Variants in PCDHGA5 observed in about 807,000 individuals in gnomAD.
PCDHGA5 encodes protocadherin gamma subfamily A, 5.
PCDHGA5 carries 36 observed loss-of-function variants against 56.7 expected under a neutral mutation model. That is an observed-to-expected ratio of 0.64 (90% CI 0.49 to 0.84). The LOEUF is 0.84. PCDHGA5 is among the 40% of genes least tolerant of loss of function. PCDHGA5 has a pLI of 0.00. For synonymous variants in PCDHGA5, 563 were observed against 520.2 expected (o/e 1.08, Z -1.12); for missense variants, 1,305 against 1,201.5 (o/e 1.09, Z -1.27).
chr5:141,400,128 G>T, intron 1 of PCDHGA5: 1 of 1,614,080 alleles, frequency 6.2e-7, no homozygotes, highest in Non-Finnish European at 8.5e-7. Context: ...TGCAGGAGGT[G>T]CTGCCGGATA....
At chr5:141,464,218 T>C (rs1464478430) in intron 1 of PCDHGA5, among the ~76,000 whole-genome samples, 1 of 150,958 alleles carries the variant, frequency 6.6e-6, no homozygotes, top group Non-Finnish European at 1.5e-5. Flanking sequence ...TGAGCTGAGA[T>C]TGCGCCACTG....
Position 141,431,854 on chromosome 5 carries a change from A to G in PCDHGA5, c.2422-62953A>G. On this transcript the variant is annotated intron_variant, in intron 1 of 3. Coordinates refer to ENST00000518069, the MANE Select transcript of PCDHGA5 (RefSeq NM_018918.3). The surrounding 1 kb of genome is among the most constrained non-coding windows in gnomAD (Gnocchi z 4.8). Reference sequence around the variant, plus strand: ...CCGAAAACTCTCCCAGAGGGACATTAATTGCCCTTTTAAATGTAAATGACC... The same window carrying G: ...CCGAAAACTCTCCCAGAGGGACATTGATTGCCCTTTTAAATGTAAATGACC... The G allele has an allele frequency of 6.2e-7, 1 of 1,614,230 alleles. No individual in the cohort carries two copies. The highest frequency in any genetic ancestry group is 1.3e-5 in the African/African-American group (1 of 75,070).
intron 1 of PCDHGA5, chr5:141,400,049 C>G (rs1242848324): frequency 6.2e-7 from 1 of 1,613,572 alleles, no homozygotes; most frequent in Non-Finnish European, 8.5e-7. Context: ...CTGCTGGTTG[C>G]TGTGCGTGAT....
At chr5:141,409,847 C>T (rs2095325421) in intron 1 of PCDHGA5, 3 of 1,611,712 alleles carry the variant, frequency 1.9e-6, no homozygotes, top group East Asian at 2.2e-5. Context: ...CGTGAGCCTG[C>T]GCGTGTTGGT....
chr5:141,370,699 G>T, intron 1 of PCDHGA5: 3 of 1,613,804 alleles, frequency 1.9e-6, no homozygotes, highest in Non-Finnish European at 2.5e-6. Context: ...AAGTCGACGT[G>T]TGTTCTGGAA....
rs762738990 is a variant in PCDHGA5, at chr5:141,404,672, G to C, written c.2421+37921G>C. 8.0e-5 allele frequency: 129 copies of C among 1,614,038 alleles called. 1 individual carries two copies. The South Asian group carries it at 1.4e-3, about 18-fold the overall frequency. ...TGCCCTCCCCACTGATGGTTCTACT[G>C]GTGTGGAGCTGGCACCCCGCTCTGC... On this transcript the variant is annotated intron_variant, in intron 1 of 3. Coordinates refer to ENST00000518069, the MANE Select transcript of PCDHGA5 (RefSeq NM_018918.3).
At chr5:141,420,824 C>T (rs1282369085) in intron 1 of PCDHGA5, among the ~76,000 whole-genome samples, 1 of 152,216 alleles carries the variant, frequency 6.6e-6, no homozygotes, top group Admixed American at 6.5e-5. Context: ...TTAATAATTA[C>T]TCCTTTCGCA....
chr5:141,398,789 C>G (rs1400897772), intron 1 of PCDHGA5: 5 of 1,613,778 alleles, frequency 3.1e-6, no homozygotes, highest in Non-Finnish European at 4.2e-6. Context: ...GGACATCCAC[C>G]CCTAAGCGGC....
chr5:141,502,003 G>A (rs945565369), intron 2 of PCDHGA5, among the ~76,000 whole-genome samples: 17 of 151,966 alleles, frequency 1.1e-4, no homozygotes, highest in Admixed American at 1.1e-3. Flanking sequence ...CTGACAACCC[G>A]CATGCTCTCC....
chr5:141,400,452 A>C, intron 1 of PCDHGA5: 3 of 1,614,038 alleles, frequency 1.9e-6, no homozygotes, highest in Non-Finnish European at 2.5e-6. Context: ...GACAAGACAT[A>C]CTTTGTGGTG....
chr5:141,462,911 T>C (rs1263378930), intron 1 of PCDHGA5, among the ~76,000 whole-genome samples: 1 of 152,248 alleles, frequency 6.6e-6, no homozygotes, highest in Non-Finnish European at 1.5e-5. Flanking sequence ...ATTATGTTTT[T>C]TGCAGATCAG....
intron 1 of PCDHGA5, chr5:141,398,508 T>C: frequency 6.2e-7 from 1 of 1,601,476 alleles, no homozygotes; most frequent in Admixed American, 1.7e-5. Context: ...AGGACATTAA[T>C]GACCACACGC....
chr5:141,404,894 G>C (rs772084097), intron 1 of PCDHGA5: 1 of 1,613,878 alleles, frequency 6.2e-7, no homozygotes, highest in South Asian at 1.1e-5. Flanking sequence ...GGCTGTACAG[G>C]ACCATGGCCA....
At position 141,512,045 on chromosome 5, in the gene PCDHGA5, C is replaced by T. The variant is rs568357347; in HGVS notation, c.*872C>T. On this transcript the variant is annotated 3_prime_UTR_variant, in exon 4 of 4. Transcript: ENST00000518069. ...GGCCTTGGAGGAGGCTCTGTATGTC[C>T]TCAGGGGACTGACAACATCCTCCAG... The T allele has an allele frequency of 1.5e-3, 224 of 152,846 alleles. 2 individuals are homozygous for T. The highest frequency in any genetic ancestry group is 4.6e-4 in the Non-Finnish European group (31 of 68,130). The allele number at this position is 152,846 out of a possible 1,614,324, so 9.5% of individuals were successfully genotyped here. A position where few individuals can be genotyped will look rare whatever the true frequency, so the allele number is the denominator to read the frequency against.
Position 141,486,683 on chromosome 5 carries a change from G to C in PCDHGA5, c.2422-8124G>C, listed in dbSNP as rs1207359772. 6.2e-7 allele frequency: 1 copy of C among 1,613,974 alleles called. No individual in the cohort carries two copies. ...GGAGCCCAGGAATCGAGATGTATCA[G>C]CTTCCTCTTTCATCTCTCTGAACCC... On this transcript the variant is annotated intron_variant, in intron 1 of 3. Coordinates refer to ENST00000518069, the MANE Select transcript of PCDHGA5 (RefSeq NM_018918.3). This position sits in a 1 kb window ranked among gnomAD's most constrained non-coding sequence, Gnocchi z 5.0.
chr5:141,410,352 G>T (rs754268147), intron 1 of PCDHGA5: 4 of 1,614,022 alleles, frequency 2.5e-6, no homozygotes, highest in South Asian at 2.2e-5. Flanking sequence ...CGCCTGCGAC[G>T]CTCTCTCAGC....
In PCDHGA5 at chr5:141,501,176, T is replaced by C. The variant is rs917315609; in HGVS notation, c.2481-4217T>C. ...GCCACCATCCCCAGCCTCATTTACA[T>C]TTTAACACAATTAAATTCAGGGTGT... On this transcript the variant is annotated intron_variant, in intron 2 of 3. Coordinates refer to ENST00000518069, the MANE Select transcript of PCDHGA5 (RefSeq NM_018918.3). Among the ~76,000 whole-genome samples, 16 of 152,244 alleles carry C rather than the reference T, an allele frequency of 1.1e-4. No homozygotes were observed. In the South Asian group the frequency reaches 3.3e-3, roughly 32 times the overall value.
chr5:141,410,065 G>C, intron 1 of PCDHGA5: 1 of 1,612,938 alleles, frequency 6.2e-7, no homozygotes, highest in South Asian at 1.1e-5. Context: ...GCCTGGGGCT[G>C]CGCACTGGGG....
intron 1 of PCDHGA5, among the ~76,000 whole-genome samples, chr5:141,466,554 G>A (rs2099125028): frequency 6.6e-6 from 1 of 152,068 alleles, no homozygotes. Flanking sequence ...TTTGCTGTGG[G>A]CTTCATCTTC....
Sources: allele counts gnomAD v4.1 joint callset (sites outside exome capture counted in the v4.1 genomes callset), GRCh38; gene constraint gnomAD v4.1.1; non-coding constraint Gnocchi (gnomAD v3.1); transcripts MANE v1.5; gene names NCBI Gene and HGNC (gene_info 2026-07-23, HGNC 2026-07-21).